Variants in HEXB observed in about 807,000 individuals in gnomAD.
The protein encoded by HEXB is beta-hexosaminidase subunit beta.
HEXB carries 51 observed loss-of-function variants against 71.2 expected under a neutral mutation model. That is an observed-to-expected ratio of 0.72 (90% CI 0.57 to 0.90). The LOEUF (loss-of-function observed/expected upper bound fraction) is 0.90. HEXB is among the 40% of genes least tolerant of loss of function. The pLI, the probability that HEXB is intolerant of heterozygous loss-of-function variation, is 0.00. For missense variants in HEXB, 617 were observed against 677.0 expected (o/e 0.91, Z 0.98); for synonymous variants, 266 against 249.3 (o/e 1.07, Z -0.63).
chr5:74,648,561 T>C (rs1748043457), intron 1 of HEXB, among the ~76,000 whole-genome samples: 2 of 152,138 alleles, frequency 1.3e-5, no homozygotes, highest in African/African-American at 2.4e-5. Flanking sequence ...GTCTTAATAG[T>C]GGGAGGAAAC....
intron 1 of HEXB, among the ~76,000 whole-genome samples, chr5:74,646,970 T>C (rs922543333): frequency 1.3e-5 from 2 of 152,250 alleles, no homozygotes; most frequent in African/African-American, 2.4e-5. Context: ...TAGCTATATT[T>C]AGAAGAAGGT....
chr5:74,673,568 C>G (rs1174677963), intron 1 of HEXB, among the ~76,000 whole-genome samples: 2 of 152,152 alleles, frequency 1.3e-5, no homozygotes, highest in Non-Finnish European at 2.9e-5. Flanking sequence ...AGTGTGTCCT[C>G]CGGTAGAACA....
At chr5:74,672,255 C>A (rs527797176) in intron 1 of HEXB, among the ~76,000 whole-genome samples, 4 of 152,314 alleles carry the variant, frequency 2.6e-5, no homozygotes, top group African/African-American at 9.6e-5. Flanking sequence ...ATAGGGCAGC[C>A]CTCCAGGGAA....
chr5:74,709,497 T>A (rs1749485836), intron 6 of HEXB, among the ~76,000 whole-genome samples: 1 of 151,980 alleles, frequency 6.6e-6, no homozygotes, highest in Non-Finnish European at 1.5e-5. Flanking sequence ...AATTAATGAA[T>A]CCAGAAGCTG....
chr5:74,644,689 T>A (rs1490694362), intron 1 of HEXB, among the ~76,000 whole-genome samples: 1 of 151,758 alleles, frequency 6.6e-6, no homozygotes. Context: ...TCTATCTTTG[T>A]GCGTTAAAAA....
chr5:74,687,389 C>T (rs764276638), intron 1 of HEXB, among the ~76,000 whole-genome samples: 1 of 152,204 alleles, frequency 6.6e-6, no homozygotes, highest in Admixed American at 6.5e-5. Flanking sequence ...GTATCACAAA[C>T]CTTGCTTTGA....
At chr5:74,703,710 G>A (rs569916721) in intron 5 of HEXB, among the ~76,000 whole-genome samples, 1 of 152,274 alleles carries the variant, frequency 6.6e-6, no homozygotes, top group South Asian at 2.1e-4. Context: ...GTCACCCCCA[G>A]GCTGGAGTGC....
intron 1 of HEXB, among the ~76,000 whole-genome samples, chr5:74,668,947 C>T (rs965048007): frequency 1.1e-4 from 17 of 152,070 alleles, no homozygotes; most frequent in South Asian, 8.3e-4. Flanking sequence ...TTGGTTTGTG[C>T]GGGCATTTTT....
chr5:74,664,040 G>A (rs181063143), intron 1 of HEXB, among the ~76,000 whole-genome samples: 62 of 152,270 alleles, frequency 4.1e-4, no homozygotes, highest in African/African-American at 1.3e-3. Flanking sequence ...TGGATCACCT[G>A]AGGTCAGGAG....
chr5:74,706,931 T>G (rs1472171821), intron 6 of HEXB, among the ~76,000 whole-genome samples: 61 of 152,368 alleles, frequency 4.0e-4, no homozygotes, highest in African/African-American at 1.4e-3. Flanking sequence ...GTCTGACAGC[T>G]TTGAAGAGAG....
At chr5:74,657,903 GT>G (rs1427195751) in intron 1 of HEXB, among the ~76,000 whole-genome samples, 2 of 152,134 alleles carry the variant, frequency 1.3e-5, no homozygotes, top group Non-Finnish European at 2.9e-5. Context: ...TGAAGTCCGG[GT>G]TTTTCAGTCC....
At chr5:74,654,031 T>C (rs1287132073) in intron 1 of HEXB, among the ~76,000 whole-genome samples, 1 of 151,994 alleles carries the variant, frequency 6.6e-6, no homozygotes, top group Non-Finnish European at 1.5e-5. Flanking sequence ...GGGCTCCAGG[T>C]GTAGACAGTG....
At chr5:74,649,705 A>T (rs1049753454) in intron 1 of HEXB, among the ~76,000 whole-genome samples, 4 of 152,216 alleles carry the variant, frequency 2.6e-5, no homozygotes, top group Non-Finnish European at 4.4e-5. Context: ...GAATCAATTG[A>T]CTAAAATGGT....
chr5:74,679,844 A>AAACAAGT (rs1554034010), intron 1 of HEXB, among the ~76,000 whole-genome samples: 2 of 142,506 alleles, frequency 1.4e-5, no homozygotes, highest in Admixed American at 7.2e-5. Context: ...TTCAGGCAGA[A>AAACAAGT]ATCAAGTCCA....
intron 1 of HEXB, among the ~76,000 whole-genome samples, chr5:74,671,228 G>A (rs945256898): frequency 6.6e-6 from 1 of 152,144 alleles, no homozygotes; most frequent in Admixed American, 6.5e-5. Context: ...TTAATCTTAT[G>A]TATTCATCAG....
upstream of HEXB, among the ~76,000 whole-genome samples, chr5:74,681,831 A>G (rs576453805): frequency 1.2e-4 from 18 of 152,100 alleles, no homozygotes; most frequent in African/African-American, 4.3e-4. Context: ...CCACTCTTAA[A>G]CTCTTCGGTG....
intron 5 of HEXB, among the ~76,000 whole-genome samples, chr5:74,701,643 T>G (rs1419438809): frequency 1.3e-5 from 2 of 152,108 alleles, no homozygotes; most frequent in Non-Finnish European, 2.9e-5. Context: ...TATTTTGAAG[T>G]CTTAAACTTA....
intron 13 of HEXB, 95 bp from the exon 14 acceptor site, chr5:74,721,023 A>G (rs1186501550): frequency 4.7e-6 from 5 of 1,075,066 alleles, no homozygotes; most frequent in Middle Eastern, 2.5e-4. Flanking sequence ...TTCTAATTTA[A>G]GTTTCTAAGA....
intron 9 of HEXB, among the ~76,000 whole-genome samples, chr5:74,717,120 A>G (rs907197057): frequency 6.6e-6 from 1 of 152,140 alleles, no homozygotes; most frequent in Non-Finnish European, 1.5e-5. Flanking sequence ...GATGGAGGTT[A>G]CAGTGAGCTA....
Sources: allele counts gnomAD v4.1 joint callset (sites outside exome capture counted in the v4.1 genomes callset), GRCh38; gene constraint gnomAD v4.1.1; transcripts MANE v1.5; gene names NCBI Gene and HGNC (gene_info 2026-07-23, HGNC 2026-07-21).